FGD5: variants seen among roughly 807,000 people sequenced by gnomAD.
FGD5 encodes the protein FYVE, RhoGEF and PH domain containing 5.
FGD5 carries 28 observed loss-of-function variants against 133.4 expected under a neutral mutation model. The ratio of observed to expected loss-of-function variants is 0.21; its 90% CI spans 0.16 to 0.29. The LOEUF is 0.29. Ranked by LOEUF, FGD5 falls within the 10% of genes least tolerant of loss-of-function variation. The probability of loss-of-function intolerance (pLI) is 1.00; values close to 1 mark genes in which losing one functional copy is unlikely to be tolerated. For missense variants in FGD5, 1,858 were observed against 1,895.2 expected (o/e 0.98, Z 0.36); for synonymous variants, 810 against 776.5 (o/e 1.04, Z -0.72).
chr3:14,910,916 G>A lies in FGD5; in HGVS notation c.3392G>A (p.Arg1131Gln), dbSNP rs771121172. The A allele has an allele frequency of 3.9e-5, 63 of 1,612,534 alleles. No homozygotes were observed. The South Asian group carries it at 5.6e-4, about 14-fold the overall frequency. ...MKVTGKNRRPRHLFLMNDVLL... is the reference protein window; with the variant it reads ...MKVTGKNRRPQHLFLMNDVLL... ...GTAACAGGGAAAAACAGACGGCCCC[G>A]GCACCTATTTCTGGTAAGTGCCCGG... The change falls in exon 11 of 20, where the codon CGG becomes CAG. Residue 1131 changes from arginine to glutamine, a missense_variant. Physicochemically the swap from Arg to Gln is conservative, Grantham distance 43 (BLOSUM62 1). Coordinates refer to ENST00000285046, the MANE Select transcript of FGD5 (RefSeq NM_152536.4).
At chr3:14,842,294 C>T (rs1559476290) in intron 1 of FGD5, among the ~76,000 whole-genome samples, 1 of 152,202 alleles carries the variant, frequency 6.6e-6, no homozygotes, top group Non-Finnish European at 1.5e-5. Flanking sequence ...GTGTGGCTTC[C>T]TCCCAGATCA....
intron 11 of FGD5, among the ~76,000 whole-genome samples, chr3:14,911,292 G>A (rs747254494): frequency 2.0e-5 from 3 of 152,196 alleles, no homozygotes; most frequent in Admixed American, 2.0e-4. Context: ...CAAGCGTTGT[G>A]ACCCAAGTCC....
intron 1 of FGD5, among the ~76,000 whole-genome samples, chr3:14,858,206 T>C (rs1385002816): frequency 1.3e-5 from 2 of 152,208 alleles, no homozygotes; most frequent in Non-Finnish European, 2.9e-5. Flanking sequence ...CTCCTTGTGT[T>C]AGCTCCATGA....
intron 8 of FGD5, 37 bp downstream of exon 8, chr3:14,900,490 C>A: frequency 6.2e-7 from 1 of 1,607,646 alleles, no homozygotes; most frequent in Non-Finnish European, 8.5e-7. Flanking sequence ...GGTACTCAAG[C>A]CTGCTCTGCC....
intron 1 of FGD5, among the ~76,000 whole-genome samples, chr3:14,840,823 A>C (rs1252155774): frequency 3.9e-5 from 6 of 152,200 alleles, no homozygotes; most frequent in South Asian, 2.1e-4. Flanking sequence ...GAGTGTATAT[A>C]GTGTGTGTGT....
intron 1 of FGD5, among the ~76,000 whole-genome samples, chr3:14,812,951 T>C (rs2036315142): frequency 6.6e-6 from 1 of 152,184 alleles, no homozygotes; most frequent in Non-Finnish European, 1.5e-5. Context: ...AGTCATCTTA[T>C]GAGTTGAGTA....
intron 4 of FGD5, among the ~76,000 whole-genome samples, chr3:14,883,549 C>T (rs2037869278): frequency 6.6e-6 from 1 of 152,222 alleles, no homozygotes; most frequent in Non-Finnish European, 1.5e-5. Context: ...TCCGTCCATT[C>T]CTCATCTACC....
intron 1 of FGD5, among the ~76,000 whole-genome samples, chr3:14,862,910 G>C (rs1575215431): frequency 6.6e-6 from 1 of 152,156 alleles, no homozygotes; most frequent in Non-Finnish European, 1.5e-5. Context: ...AGCTGCTTAG[G>C]CTACAGGTAC....
intron 2 of FGD5, among the ~76,000 whole-genome samples, chr3:14,867,638 G>T (rs2037521576): frequency 3.3e-5 from 5 of 151,448 alleles, no homozygotes; most frequent in Admixed American, 3.3e-4. Flanking sequence ...AACCACTGTG[G>T]AGATGGGAAG....
At chr3:14,836,011 A>G (rs1317197418) in intron 1 of FGD5, among the ~76,000 whole-genome samples, 1 of 152,088 alleles carries the variant, frequency 6.6e-6, no homozygotes, top group Non-Finnish European at 1.5e-5. Context: ...GCAGAAAGGA[A>G]CTCGAGGCTC....
chr3:14,894,109 A>C (rs2038087477), intron 4 of FGD5, among the ~76,000 whole-genome samples: 1 of 151,666 alleles, frequency 6.6e-6, no homozygotes, highest in Admixed American at 6.6e-5. Context: ...TCCTCTCTTC[A>C]TTGCCACCCC....
chr3:14,925,992 T>G, intron 17 of FGD5, 78 bp from the exon 18 acceptor site: 9 of 1,575,596 alleles, frequency 5.7e-6, no homozygotes, highest in Non-Finnish European at 6.0e-6. Flanking sequence ...TGGTTTGCAG[T>G]GTCATTTTGA....
intron 1 of FGD5, among the ~76,000 whole-genome samples, chr3:14,830,407 C>T (rs941809751): frequency 3.9e-5 from 6 of 152,138 alleles, no homozygotes; most frequent in Non-Finnish European, 5.9e-5. Context: ...ATAAGAAAAT[C>T]GTGTCAGGAA....
rs1277549686 is a variant in FGD5, at chr3:14,848,184, G to C, written c.2526-15944G>C. ...CTGAAGACATGTGGGGCTGAGGGCG[G>C]TGCCTCTCTTCTCACCCTTTGGACG... On this transcript the variant is annotated intron_variant, in intron 1 of 19. Coordinates refer to ENST00000285046, the MANE Select transcript of FGD5 (RefSeq NM_152536.4). Among the ~76,000 whole-genome samples, 5 of 152,318 alleles carry C rather than the reference G, an allele frequency of 3.3e-5. No individual in the cohort carries two copies. In the South Asian group the frequency reaches 1.0e-3, roughly 32 times the overall value.
intron 2 of FGD5, among the ~76,000 whole-genome samples, chr3:14,865,501 C>T (rs2037476990): frequency 6.6e-6 from 1 of 152,178 alleles, no homozygotes; most frequent in African/African-American, 2.4e-5. Flanking sequence ...TCTTCCCCCT[C>T]AGTCCCTTCT....
At chr3:14,823,472 C>A (rs901955721) in intron 1 of FGD5, among the ~76,000 whole-genome samples, 14 of 152,190 alleles carry the variant, frequency 9.2e-5, no homozygotes, top group African/African-American at 3.1e-4. Flanking sequence ...GAGCTTATTT[C>A]ATCTTTTTTA....
chr3:14,918,325 T>C (rs2038600983), intron 12 of FGD5, among the ~76,000 whole-genome samples: 1 of 152,226 alleles, frequency 6.6e-6, no homozygotes, highest in South Asian at 2.1e-4. Flanking sequence ...AGAGAGGCAC[T>C]GTGCAATCTC....
chr3:14,829,753 C>T (rs17040338), intron 1 of FGD5, among the ~76,000 whole-genome samples: 1,913 of 152,188 alleles, frequency 0.013, 45 homozygotes, highest in African/African-American at 0.043. Flanking sequence ...CCGAGAATAG[C>T]GACTGCCATT....
Position 14,819,584 on chromosome 3 carries a change from G to A in FGD5, c.513G>A (p.Gln171=), listed in dbSNP as rs1386294370. The A allele has an allele frequency of 9.7e-6, 15 of 1,551,394 alleles. No individual in the cohort carries two copies. Among genetic ancestry groups the A allele is most frequent in the Non-Finnish European group, 1.2e-5 (14 of 1,146,980 alleles). Reference sequence around the variant, plus strand: ...GTGAGGAGGAAGAGAAGCTAGTGCAGCCACACAGGGAGTGCAGCCTGGAGG... The same window carrying A: ...GTGAGGAGGAAGAGAAGCTAGTGCAACCACACAGGGAGTGCAGCCTGGAGG... ...SRSEEEEKLV[Q]PHRECSLEDS... The change falls in exon 1 of 20, where the codon CAG becomes CAA. Residue 171 remains glutamine, a synonymous_variant. Transcript: ENST00000285046. This position sits in a 1 kb window ranked among gnomAD's most constrained non-coding sequence, Gnocchi z 4.1.
Sources: gnomAD v4.1 joint callset for allele counts (sites outside exome capture counted in the v4.1 genomes callset) on GRCh38, gnomAD v4.1.1 for gene constraint, Gnocchi (gnomAD v3.1) non-coding constraint, MANE v1.5 for transcripts, NCBI Gene and HGNC (gene_info 2026-07-23, HGNC 2026-07-21) for gene names.